CECR2: variants seen among roughly 807,000 people sequenced by gnomAD.
CECR2 encodes the protein chromatin remodeling regulator CECR2.
CECR2 carries 30 observed loss-of-function variants against 154.5 expected under a neutral mutation model. That is an observed-to-expected ratio of 0.19 (90% CI 0.15 to 0.26). The LOEUF (loss-of-function observed/expected upper bound fraction) is 0.26. Ranked by LOEUF, CECR2 falls within the 10% of genes least tolerant of loss-of-function variation. CECR2 has a pLI of 1.00. For missense variants in CECR2, 1,743 were observed against 1,829.3 expected (o/e 0.95, Z 0.86); for synonymous variants, 725 against 683.7 (o/e 1.06, Z -0.94).
intron 1 of CECR2, among the ~76,000 whole-genome samples, chr22:17,379,645 A>G (rs2063163943): frequency 6.6e-6 from 1 of 151,394 alleles, no homozygotes; most frequent in Non-Finnish European, 1.5e-5. Flanking sequence ...ATGCATATGT[A>G]AAGTTCATTA....
intron 1 of CECR2, among the ~76,000 whole-genome samples, chr22:17,442,459 C>A (rs2054599145): frequency 6.6e-6 from 1 of 152,142 alleles, no homozygotes; most frequent in African/African-American, 2.4e-5. Flanking sequence ...TCTTGTAGTC[C>A]TAGCTACTAG....
chr22:17,451,007 C>T lies in CECR2; in HGVS notation c.127-26581C>T, dbSNP rs182766375. ...CACTAGCAGCAGCTAGAGTAATGAA[C>T]GTGTCAGAGCCTGACCTGCTTATAA... On this transcript the variant is annotated intron_variant, in intron 1 of 18. Coordinates refer to ENST00000262608, the MANE Select transcript of CECR2 (RefSeq NM_001290047.2). Among the ~76,000 whole-genome samples the T allele has an allele frequency of 1.1e-3, 173 of 152,346 alleles. 1 individual carries two copies. The highest frequency in any genetic ancestry group is 2.0e-3 in the Admixed American group (31 of 15,300).
intron 2 of CECR2, among the ~76,000 whole-genome samples, chr22:17,493,349 G>T (rs1049244193): frequency 6.6e-6 from 1 of 152,152 alleles, no homozygotes; most frequent in East Asian, 1.9e-4. Context: ...AAAGTATGTA[G>T]TCTTTATCAA....
At position 17,554,417 on chromosome 22, in the gene CECR2, A is replaced by T. The variant is rs2056751275; in HGVS notation, c.*1577A>T. 1 of 152,166 alleles carries T rather than the reference A, an allele frequency of 6.6e-6. No homozygotes were observed. Among genetic ancestry groups the T allele is most frequent in the African/African-American group, 2.4e-5 (1 of 41,434 alleles). The allele number at this position is 152,166 out of a possible 1,614,324, so 9.4% of individuals were successfully genotyped here. ...TAGAGTGTTTCCCTCCAATTCCAGG[A>T]TTCCTAGTGAAGCATGGAACTGTCG... On this transcript the variant is annotated 3_prime_UTR_variant, in exon 19 of 19. Coordinates refer to ENST00000262608, the MANE Select transcript of CECR2 (RefSeq NM_001290047.2).
In CECR2 at chr22:17,360,706, A is replaced by C. The variant is rs1210398583; in HGVS notation, c.-364+683A>C. On this transcript the variant is annotated intron_variant, in intron 1 of 18. Coordinates refer to the CECR2 transcript ENST00000400585. ...AAAAAAAAAAAAAATTAGTCCAAGC[A>C]TGGTGACATGTGCCTGTAATCCCAG... is the stretch of plus-strand genomic sequence containing the variant. Among the ~76,000 whole-genome samples, 7 of 151,352 alleles carry C rather than the reference A, an allele frequency of 4.6e-5. No homozygotes were observed. The East Asian group carries it at 1.4e-3, about 29-fold the overall frequency.
intron 9 of CECR2, among the ~76,000 whole-genome samples, chr22:17,532,044 C>T (rs1177516236): frequency 1.3e-5 from 2 of 152,100 alleles, no homozygotes; most frequent in South Asian, 2.1e-4. Context: ...GTGGTGCATG[C>T]CTGTAGTCCC....
At chr22:17,547,096 C>CA (rs2056626496) in intron 16 of CECR2, among the ~76,000 whole-genome samples, 1 of 150,272 alleles carries the variant, frequency 6.7e-6, no homozygotes, top group Admixed American at 6.6e-5. Flanking sequence ...CACTTACACA[C>CA]TATTGTATAT....
At chr22:17,475,002 G>T (rs1379473346) in intron 1 of CECR2, among the ~76,000 whole-genome samples, 4 of 152,252 alleles carry the variant, frequency 2.6e-5, no homozygotes, top group Middle Eastern at 3.4e-3. Flanking sequence ...ACAGACTGTA[G>T]CACCTTTAAT....
chr22:17,434,856 G>A (rs2054479195), intron 1 of CECR2, among the ~76,000 whole-genome samples: 1 of 152,138 alleles, frequency 6.6e-6, no homozygotes, highest in Non-Finnish European at 1.5e-5. Context: ...AAAGGATAGT[G>A]TCAAGTCAAG....
chr22:17,394,842 A>G (rs74520159), intron 1 of CECR2, among the ~76,000 whole-genome samples: 8,013 of 152,272 alleles, frequency 0.053, 332 homozygotes, highest in African/African-American at 0.12. Context: ...TTCTCCAAGT[A>G]TAGGTTTTTT....
chr22:17,507,772 G>T (rs2055873630), intron 7 of CECR2, among the ~76,000 whole-genome samples: 1 of 152,150 alleles, frequency 6.6e-6, no homozygotes, highest in East Asian at 1.9e-4. Context: ...TAATGGATTT[G>T]ATATTTTCAA....
chr22:17,382,279 G>T (rs1180073622), intron 1 of CECR2, among the ~76,000 whole-genome samples: 2 of 152,164 alleles, frequency 1.3e-5, no homozygotes, highest in African/African-American at 4.8e-5. Context: ...TTGAAGACTG[G>T]CCTCACTGGT....
At position 17,548,619 on chromosome 22, in the gene CECR2, G is replaced by A. The variant is rs757663874; in HGVS notation, c.3332G>A (p.Gly1111Asp). The A allele has an allele frequency of 1.2e-6, 2 of 1,613,236 alleles. No individual in the cohort carries two copies. The highest frequency in any genetic ancestry group is 1.7e-5 in the Admixed American group (1 of 59,860). The change falls in exon 17 of 19, where the codon GGC becomes GAC. Residue 1111 changes from glycine to aspartate, a missense_variant. By Grantham distance (94) the Gly-to-Asp change is moderately conservative. Around this residue, in one of 4 missense-constraint regions of CECR2, gnomAD observed 1,250 missense variants for 1,192.1 expected, o/e 1.05. Coordinates refer to ENST00000262608, the MANE Select transcript of CECR2 (RefSeq NM_001290047.2). ...AGCACAGACCCCGGTTTGACGGGAGGCACTGTGAGCCAGTTTCCCCCGCTG... is the reference window on the plus strand; with the variant it reads ...AGCACAGACCCCGGTTTGACGGGAGACACTGTGAGCCAGTTTCCCCCGCTG... ...PPSTDPGLTG[G>D]TVSQFPPLYM...
intron 1 of CECR2, among the ~76,000 whole-genome samples, chr22:17,473,014 A>G (rs1188860664): frequency 1.3e-5 from 2 of 151,936 alleles, no homozygotes; most frequent in Non-Finnish European, 2.9e-5. Flanking sequence ...CTCACTTCTG[A>G]GTTGTTTTCC....
At chr22:17,414,126 C>A (rs568804498) in intron 1 of CECR2, among the ~76,000 whole-genome samples, 1 of 151,868 alleles carries the variant, frequency 6.6e-6, no homozygotes, top group Non-Finnish European at 1.5e-5. Flanking sequence ...GTGCCTGCCA[C>A]CACGCCTGGC....
chr22:17,511,327 T>G (rs1433095897), intron 7 of CECR2, among the ~76,000 whole-genome samples: 1 of 152,156 alleles, frequency 6.6e-6, no homozygotes, highest in Non-Finnish European at 1.5e-5. Context: ...TTCTGCTCGC[T>G]GAGCCCTTTT....
chr22:17,438,700 C>A (rs1190168120), intron 1 of CECR2, among the ~76,000 whole-genome samples: 4 of 151,574 alleles, frequency 2.6e-5, no homozygotes, highest in African/African-American at 9.7e-5. Context: ...CAAAACAATT[C>A]TTCTTCAAGT....
At chr22:17,524,342 C>T in intron 9 of CECR2, 71 bp downstream of exon 9, 2 of 1,502,848 alleles carry the variant, frequency 1.3e-6, no homozygotes, top group Non-Finnish European at 1.8e-6. Flanking sequence ...CCAGAGCCAA[C>T]TCAAGCTAAG....
chr22:17,404,883 T>C (rs1292911916), intron 1 of CECR2, among the ~76,000 whole-genome samples: 1 of 152,226 alleles, frequency 6.6e-6, no homozygotes, highest in Non-Finnish European at 1.5e-5. Flanking sequence ...AAAAAAAGCC[T>C]GCTAGCATTT....
Sources: gnomAD v4.1 joint callset for allele counts (sites outside exome capture counted in the v4.1 genomes callset) on GRCh38, gnomAD v4.1.1 for gene constraint, gnomAD v4.1.1 regional missense constraint, MANE v1.5 for transcripts, NCBI Gene and HGNC (gene_info 2026-07-23, HGNC 2026-07-21) for gene names.